ZNF530: variants seen among roughly 807,000 people sequenced by gnomAD.
The protein encoded by ZNF530 is zinc finger protein 530.
Under a neutral mutation model 2.8 loss-of-function variants are expected in ZNF530, and 5 were observed. That is an observed-to-expected ratio of 1.80 (90% confidence interval 0.94 to 3.78). The LOEUF (loss-of-function observed/expected upper bound fraction) is 3.78. ZNF530 is among the 30% of genes most tolerant of loss of function. The probability of loss-of-function intolerance (pLI) is 0.00; values close to 1 mark genes in which losing one functional copy is unlikely to be tolerated. For missense variants in ZNF530, 619 were observed against 673.3 expected, an observed-to-expected ratio of 0.92 and a Z score of 0.89; for synonymous variants, 229 against 235.0, an observed-to-expected ratio of 0.97 and a Z score of 0.23.
chr19:57,602,309 C>T (rs933292437), intron 2 of ZNF530, among the ~76,000 whole-genome samples: 2 of 152,198 alleles, frequency 1.3e-5, no homozygotes, highest in Non-Finnish European at 2.9e-5. Flanking sequence ...GAGGGCCCCA[C>T]TCTTTTGACC....
rs1256290649 is a variant in ZNF530 at position 57,607,324 on chromosome 19, G to T, written c.1700G>T (p.Ter567LeuextTer62). Residue 567 changes from the stop codon to leucine, a stop_lost, in exon 4 of 4, where the codon TGA (stop) becomes TTA (leucine). Coordinates refer to ENST00000597700, the MANE Select transcript of ZNF530 (RefSeq NM_001321981.2). ...AGACACAGAAGAGTTCATGTGCAGT[G>T]AATGTGGGAAATTATTTTGTCACTT... ...LLRHRRVHVQ[*>L] 1 of 1,561,682 alleles carries T rather than the reference G, an allele frequency of 6.4e-7. No homozygotes were observed. Among genetic ancestry groups the T allele is most frequent in the African/African-American group, 1.4e-5 (1 of 71,312 alleles).
In ZNF530 at chr19:57,604,331, G is replaced by A. The variant is rs764811723; in HGVS notation, c.-15G>A. 3.8e-5 allele frequency: 61 copies of A among 1,614,004 alleles called. No individual in the cohort carries two copies. The highest frequency in any genetic ancestry group is 3.3e-4 in the Middle Eastern group (2 of 6,080). On this transcript the variant is annotated 5_prime_UTR_variant, in exon 3 of 4. Transcript: ENST00000597700. ...CATTTACTTCTCCCAGGAGGAGTGG[G>A]AGCTCCTTGATGAGATGCAGAGGCT...
At chr19:57,604,515 C>T in intron 3 of ZNF530, 109 bp downstream of exon 3, 1 of 1,440,464 alleles carries the variant, frequency 6.9e-7, no homozygotes, top group East Asian at 2.3e-5. Context: ...TACAGACCTT[C>T]CCACTTTCTT....
At chr19:57,601,914 G>A (rs1165711525) in intron 2 of ZNF530, among the ~76,000 whole-genome samples, 1 of 152,152 alleles carries the variant, frequency 6.6e-6, no homozygotes, top group African/African-American at 2.4e-5. Context: ...ACTGTTGGAA[G>A]GATACTATGC....
Position 57,606,571 on chromosome 19 carries a change from G to A in ZNF530, c.947G>A (p.Arg316Lys), listed in dbSNP as rs779861194. The change falls in exon 4 of 4, where the codon AGG (arginine) becomes AAG (lysine). Residue 316 changes from arginine to lysine, a missense_variant. Arg to Lys is a conservative substitution (Grantham distance 26). Coordinates refer to ENST00000597700, the MANE Select transcript of ZNF530 (RefSeq NM_001321981.2). ...CACAGGAGTGCCCACACTAGCACAA[G>A]GCCTTATGAGTGCAGTGAATGTGGA... ...YRHRSAHTSTRPYECSECGKS... is the reference protein window; with the variant it reads ...YRHRSAHTSTKPYECSECGKS... 2.5e-6 allele frequency: 4 copies of A among 1,613,846 alleles called. No individual in the cohort carries two copies. The South Asian group carries it at 3.3e-5, about 13-fold the overall frequency.
At chr19:57,612,456 A>G, downstream of ZNF530, 1 of 400,648 alleles carries the variant, frequency 2.5e-6, no homozygotes, top group Non-Finnish European at 4.4e-6. Context: ...GTTCACCTTA[A>G]TATTCTGATA....
Position 57,606,152 on chromosome 19 carries a change from G to C in ZNF530, c.528G>C (p.Lys176Asn). 24 of 1,614,222 alleles carry C rather than the reference G, an allele frequency of 1.5e-5. No homozygotes were observed. The highest frequency in any genetic ancestry group is 2.0e-5 in the Non-Finnish European group (24 of 1,180,042). Residue 176 changes from lysine to asparagine, a missense_variant, in exon 4 of 4, where the codon AAG becomes AAC. By Grantham distance (94) the Lys-to-Asn change is moderately conservative (BLOSUM62 0). Coordinates refer to ENST00000597700, the MANE Select transcript of ZNF530 (RefSeq NM_001321981.2). The part of the protein sequence containing the change: ...IRHLRVPTGR[K>N]PLKYTESRKS... The stretch of plus-strand genomic sequence containing the variant: ...ACTTGAGAGTTCCCACTGGACGAAA[G>C]CCTCTCAAATACACTGAATCCAGGA...
At chr19:57,602,175 G>C (rs991073650) in intron 2 of ZNF530, among the ~76,000 whole-genome samples, 2 of 152,228 alleles carry the variant, frequency 1.3e-5, no homozygotes, top group Non-Finnish European at 2.9e-5. Flanking sequence ...GTGATGGGCT[G>C]CTTCTTGACT....
rs1302702802 is a variant in ZNF530, at chr19:57,609,943, T to G, written c.*2618T>G. Among the ~76,000 whole-genome samples, 1 of 152,240 alleles carries G rather than the reference T, an allele frequency of 6.6e-6. No homozygotes were observed. The highest frequency in any genetic ancestry group is 1.5e-5 in the Non-Finnish European group (1 of 68,056). On this transcript the variant is annotated 3_prime_UTR_variant, in exon 4 of 4. Transcript: ENST00000597700. ...GTATTTCCTGCCACTGAAGCAGGTC[T>G]GCCTCTACGTGGCCTGGGGAGCTAG... is the stretch of plus-strand genomic sequence containing the variant.
chr19:57,606,369 C>G lies in ZNF530; in HGVS notation c.745C>G (p.Leu249Val). The G allele has an allele frequency of 6.2e-7, 1 of 1,614,204 alleles. No individual in the cohort carries two copies. Among genetic ancestry groups the G allele is most frequent in the Non-Finnish European group, 8.5e-7 (1 of 1,180,044 alleles). Residue 249 changes from leucine (L) to valine (V), a missense_variant, in exon 4 of 4, where the codon CTA becomes GTA. Physicochemically the swap from Leu to Val is conservative, Grantham distance 32. Transcript: ENST00000597700. ...GAAATCATTTAGTCGCAAAACTCAC[C>G]TAACTCAACACCAAAGAGTTCACAC... is the stretch of plus-strand genomic sequence containing the variant. ...CGKSFSRKTH[L>V]TQHQRVHTGE...
chr19:57,602,891 A>G (rs1259166195), intron 2 of ZNF530, among the ~76,000 whole-genome samples: 1 of 152,100 alleles, frequency 6.6e-6, no homozygotes, highest in African/African-American at 2.4e-5. Flanking sequence ...TTTTAAAACC[A>G]TCAGTTCTTC....
chr19:57,605,767 C>T lies in ZNF530; in HGVS notation c.143C>T (p.Pro48Leu). 1 of 1,614,148 alleles carries T rather than the reference C, an allele frequency of 6.2e-7. No individual in the cohort carries two copies. Among genetic ancestry groups the T allele is most frequent in the East Asian group, 2.2e-5 (1 of 44,882 alleles). The change falls in exon 4 of 4, where the codon CCA (proline) becomes CTA (leucine). Residue 48 changes from proline to leucine, a missense_variant. Transcript: ENST00000597700. ...SVEELSQGRT[P>L]KADTSTDKSH... ...GAAGAACTGTCACAGGGCAGGACTC[C>T]AAAGGCAGATACATCCACTGATAAG...
At chr19:57,602,696 T>C (rs1322895862) in intron 2 of ZNF530, among the ~76,000 whole-genome samples, 1 of 152,144 alleles carries the variant, frequency 6.6e-6, no homozygotes, top group Non-Finnish European at 1.5e-5. Flanking sequence ...GGAGGCTGCA[T>C]TAGTCCATTT....
downstream of ZNF530, among the ~76,000 whole-genome samples, chr19:57,610,468 T>C (rs1420890833): frequency 6.6e-6 from 1 of 151,918 alleles, no homozygotes; most frequent in Admixed American, 6.6e-5. Context: ...TGTTTTAATA[T>C]GTGCAGTACA....
downstream of ZNF530, among the ~76,000 whole-genome samples, chr19:57,610,410 ATATGTG>A (rs948705281): frequency 9.8e-6 from 1 of 102,012 alleles, no homozygotes; most frequent in African/African-American, 5.0e-5. Context: ...AAAAGTGTAC[ATATGTG>A]TGTGTGTGTG....
intron 2 of ZNF530, among the ~76,000 whole-genome samples, chr19:57,601,830 G>A (rs1415667502): frequency 1.3e-5 from 2 of 152,144 alleles, no homozygotes; most frequent in Non-Finnish European, 2.9e-5. Flanking sequence ...ATTGCAGAAG[G>A]CAAAAAGGGA....
downstream of ZNF530, among the ~76,000 whole-genome samples, chr19:57,611,966 G>T (rs1196993031): frequency 6.6e-6 from 1 of 152,124 alleles, no homozygotes; most frequent in Non-Finnish European, 1.5e-5. Flanking sequence ...ATTCAGACTA[G>T]CCAGTACTCA....
downstream of ZNF530, among the ~76,000 whole-genome samples, chr19:57,611,671 C>CT (rs1346092148): frequency 6.6e-6 from 1 of 151,878 alleles, no homozygotes; most frequent in Admixed American, 6.6e-5. Context: ...TTGGAAAACT[C>CT]TTTTCCCTCC....
At chr19:57,602,998 C>T (rs1980318204) in intron 2 of ZNF530, among the ~76,000 whole-genome samples, 1 of 152,178 alleles carries the variant, frequency 6.6e-6, no homozygotes, top group African/African-American at 2.4e-5. Flanking sequence ...TCAAGGGATT[C>T]TCCTGTCTCA....
Sources: allele counts gnomAD v4.1 joint callset (sites outside exome capture counted in the v4.1 genomes callset), GRCh38; gene constraint gnomAD v4.1.1; transcripts MANE v1.5; gene names NCBI Gene and HGNC (gene_info 2026-07-23, HGNC 2026-07-21).